Variants in ZNF532 observed in about 807,000 individuals in gnomAD.
The protein encoded by ZNF532 is zinc finger protein 532.
Under a neutral mutation model 89.3 loss-of-function variants are expected in ZNF532, and 22 were observed. That is an observed-to-expected ratio of 0.25 (90% CI 0.18 to 0.35). ZNF532 has a LOEUF of 0.35. Among genes scored for constraint, ZNF532 ranks in the 10% least tolerant of loss-of-function variants. The pLI is 1.00. For missense variants in ZNF532, 1,132 were observed against 1,643.4 expected (o/e 0.69, Z 5.38); for synonymous variants, 606 against 649.6 (o/e 0.93, Z 1.02).
chr18:58,887,876 C>G lies in ZNF532; in HGVS notation c.-18+22297C>G, dbSNP rs1356595638. Among the ~76,000 whole-genome samples, 5 of 152,132 alleles carry G rather than the reference C, an allele frequency of 3.3e-5. No homozygotes were observed. In the East Asian group the frequency reaches 9.6e-4, roughly 29 times the overall value. ...CGGGCTTTGTGAAAGCTGCTTTATC[C>G]CTGCGTCCCCCGGGGCAGAGGGGAG... On this transcript the variant is annotated intron_variant, in intron 2 of 9. Transcript: ENST00000591808.
chr18:58,918,141 T>C (rs1383464917), intron 2 of ZNF532, 130 bp from the exon 3 acceptor site: 25 of 795,768 alleles, frequency 3.1e-5, no homozygotes, highest in Non-Finnish European at 4.3e-5. Flanking sequence ...AGTTTCGTAG[T>C]TACCGTAAAT....
chr18:58,917,167 C>T (rs17834589), intron 2 of ZNF532, among the ~76,000 whole-genome samples: 11,858 of 152,150 alleles, frequency 0.078, 872 homozygotes, highest in African/African-American at 0.19. Flanking sequence ...TGGCTGTTTG[C>T]CTCCACTGCA....
At chr18:58,924,873 T>G (rs977532497) in intron 3 of ZNF532, among the ~76,000 whole-genome samples, 3 of 152,240 alleles carry the variant, frequency 2.0e-5, no homozygotes, top group Non-Finnish European at 2.9e-5. Flanking sequence ...ATAGATGGAA[T>G]CATATAGTGT....
Position 58,979,146 on chromosome 18 carries a change from T to A in ZNF532, c.3242T>A (p.Ile1081Asn). Residue 1081 changes from isoleucine to asparagine, a missense_variant, in exon 8 of 10, where the codon ATC (isoleucine) becomes AAC (asparagine). Coordinates refer to ENST00000591808, the MANE Select transcript of ZNF532 (RefSeq NM_001375912.1). ...CRHNRIKHKG[I>N]RKVYACSHCP... ...CACAACCGGATCAAGCACAAAGGCA[T>A]CAGGAAAGTGTACGCCTGCTCGTAA... 2 of 1,613,324 alleles carry A rather than the reference T, an allele frequency of 1.2e-6. No homozygotes were observed. The highest frequency in any genetic ancestry group is 1.7e-6 in the Non-Finnish European group (2 of 1,179,350).
intron 2 of ZNF532, among the ~76,000 whole-genome samples, chr18:58,912,307 A>T (rs1381311466): frequency 2.6e-5 from 4 of 152,246 alleles, no homozygotes; most frequent in Non-Finnish European, 5.9e-5. Context: ...CATCAGGTTT[A>T]AGGAAACCAG....
At chr18:58,966,669 T>C (rs1189796124) in intron 7 of ZNF532, among the ~76,000 whole-genome samples, 1 of 151,822 alleles carries the variant, frequency 6.6e-6, no homozygotes, top group African/African-American at 2.4e-5. Context: ...ATTTTGAAAA[T>C]GTGACACAAA....
chr18:58,936,377 T>G (rs2062472803), intron 4 of ZNF532, among the ~76,000 whole-genome samples: 1 of 152,262 alleles, frequency 6.6e-6, no homozygotes, highest in South Asian at 2.1e-4. Context: ...TGCTCTTCTT[T>G]GCACTAATGT....
chr18:58,929,142 G>T (rs2061751558), intron 3 of ZNF532, among the ~76,000 whole-genome samples: 1 of 152,190 alleles, frequency 6.6e-6, no homozygotes, highest in South Asian at 2.1e-4. Context: ...TTTCTGTATT[G>T]CTGGTTCATT....
At chr18:58,878,328 A>G (rs991855727) in intron 2 of ZNF532, among the ~76,000 whole-genome samples, 6 of 152,204 alleles carry the variant, frequency 3.9e-5, no homozygotes, top group African/African-American at 1.4e-4. Context: ...AAGGCCAAAG[A>G]TGATGGGCAC....
At chr18:58,863,078 A>G (rs2056101061), upstream of ZNF532, 1 of 152,256 alleles carries the variant, frequency 6.6e-6, no homozygotes, top group Non-Finnish European at 1.5e-5. Flanking sequence ...TACGAGGAAA[A>G]CAAACCACCA....
intron 2 of ZNF532, among the ~76,000 whole-genome samples, chr18:58,913,337 C>G (rs7228222): frequency 0.011 from 1,731 of 152,146 alleles, 27 homozygotes; most frequent in Middle Eastern, 0.044. Context: ...GATTCATTTT[C>G]TAAGAGGAGG....
At chr18:58,941,676 C>G (rs931853816) in intron 5 of ZNF532, among the ~76,000 whole-genome samples, 1 of 151,820 alleles carries the variant, frequency 6.6e-6, no homozygotes, top group Non-Finnish European at 1.5e-5. Flanking sequence ...GCCGTGTTGC[C>G]AAGGCTTGTC....
At chr18:58,930,398 G>A (rs2061852960) in intron 3 of ZNF532, among the ~76,000 whole-genome samples, 1 of 152,092 alleles carries the variant, frequency 6.6e-6, no homozygotes, top group Non-Finnish European at 1.5e-5. Context: ...AGGCCAAAGT[G>A]GGCGGATTGC....
chr18:58,948,548 TTTTCC>T (rs1312604548), intron 6 of ZNF532, among the ~76,000 whole-genome samples: 1 of 151,342 alleles, frequency 6.6e-6, no homozygotes, highest in Admixed American at 6.6e-5. Flanking sequence ...GACTGTGAAG[TTTTCC>T]TTTCCTTTCC....
intron 2 of ZNF532, among the ~76,000 whole-genome samples, chr18:58,897,435 G>C (rs1602783622): frequency 6.6e-6 from 1 of 152,110 alleles, no homozygotes; most frequent in Non-Finnish European, 1.5e-5. Context: ...TAAAATGACT[G>C]TTTTTGGGTT....
intron 5 of ZNF532, among the ~76,000 whole-genome samples, chr18:58,945,583 C>G (rs377545160): frequency 1.3e-5 from 2 of 152,170 alleles, no homozygotes; most frequent in South Asian, 2.1e-4. Context: ...GAATCCCTCC[C>G]CAAAGGAATG....
intron 2 of ZNF532, among the ~76,000 whole-genome samples, chr18:58,871,628 G>A (rs901162058): frequency 6.6e-6 from 1 of 152,252 alleles, no homozygotes; most frequent in African/African-American, 2.4e-5. Context: ...GGGCACAGCA[G>A]GTGCTAAACA....
At chr18:58,949,880 G>A (rs1453953714) in intron 6 of ZNF532, among the ~76,000 whole-genome samples, 1 of 152,226 alleles carries the variant, frequency 6.6e-6, no homozygotes, top group African/African-American at 2.4e-5. Flanking sequence ...GGTAAAGATA[G>A]TGGTGGTGAT....
At chr18:58,882,462 G>A (rs560818987) in intron 2 of ZNF532, among the ~76,000 whole-genome samples, 5 of 152,258 alleles carry the variant, frequency 3.3e-5, no homozygotes, top group African/African-American at 1.2e-4. Flanking sequence ...ATTTTTAAGA[G>A]GCAGGGTCTT....
Sources: gnomAD v4.1 joint callset for allele counts (sites outside exome capture counted in the v4.1 genomes callset) on GRCh38, gnomAD v4.1.1 for gene constraint, MANE v1.5 for transcripts, NCBI Gene and HGNC (gene_info 2026-07-23, HGNC 2026-07-21) for gene names.